The following PACRG variants were observed in gnomAD, a reference collection of about 807,000 sequenced individuals.
PACRG encodes parkin coregulated gene protein.
In PACRG, 29 loss-of-function variants were observed where a neutral mutation model predicts 29.7. The observed-to-expected ratio is 0.98, with a 90% confidence interval of 0.73 to 1.33. The LOEUF (loss-of-function observed/expected upper bound fraction) is 1.33. Among genes scored for constraint, PACRG ranks in the 40% most tolerant of loss-of-function variants. PACRG has a pLI of 0.00. For missense variants in PACRG, 279 were observed against 316.2 expected (o/e 0.88, Z 0.89); for synonymous variants, 116 against 118.7 (o/e 0.98, Z 0.15).
intron 2 of PACRG, among the ~76,000 whole-genome samples, chr6:163,025,437 C>T (rs1807036156): frequency 1.3e-5 from 2 of 152,068 alleles, no homozygotes; most frequent in South Asian, 4.1e-4. Context: ...TTCTATACGC[C>T]AGCAACACGC....
At chr6:163,038,443 C>T (rs891081002) in intron 2 of PACRG, among the ~76,000 whole-genome samples, 4 of 152,140 alleles carry the variant, frequency 2.6e-5, no homozygotes, top group African/African-American at 7.2e-5. Flanking sequence ...ATAGACCCTG[C>T]ACACAGCCAG....
At chr6:163,172,849 T>G (rs1271693660) in intron 4 of PACRG, among the ~76,000 whole-genome samples, 3 of 152,230 alleles carry the variant, frequency 2.0e-5, no homozygotes, top group Non-Finnish European at 4.4e-5. Flanking sequence ...ATATCAAAGA[T>G]AGAAAGAGGC....
At chr6:162,817,913 A>T (rs998487364) in intron 2 of PACRG, among the ~76,000 whole-genome samples, 4 of 152,214 alleles carry the variant, frequency 2.6e-5, no homozygotes, top group Non-Finnish European at 4.4e-5. Context: ...AAATGTTTGT[A>T]GTGAAAATTT....
intron 2 of PACRG, among the ~76,000 whole-genome samples, chr6:162,883,337 C>T (rs577258129): frequency 4.9e-4 from 74 of 152,176 alleles, no homozygotes; most frequent in African/African-American, 1.8e-3. Context: ...TAGCTGGCCT[C>T]TAATTAATTT....
intron 4 of PACRG, among the ~76,000 whole-genome samples, chr6:163,227,048 G>A (rs1781833783): frequency 6.6e-6 from 1 of 152,066 alleles, no homozygotes; most frequent in Non-Finnish European, 1.5e-5. Context: ...GAATTTTTGT[G>A]GCATGTAAAA....
intron 2 of PACRG, among the ~76,000 whole-genome samples, chr6:162,894,747 G>A (rs1325078639): frequency 6.6e-6 from 1 of 152,206 alleles, no homozygotes; most frequent in Admixed American, 6.5e-5. Context: ...ATTGCTGTGT[G>A]AAACACGCTT....
intron 1 of PACRG, among the ~76,000 whole-genome samples, chr6:162,799,685 G>A (rs115462687): frequency 3.4e-4 from 51 of 151,144 alleles, no homozygotes; most frequent in African/African-American, 1.2e-3. Context: ...TCTAAGAATT[G>A]TTTTCTATTA....
chr6:163,262,957 C>T (rs1007545353), intron 4 of PACRG, among the ~76,000 whole-genome samples: 1 of 149,942 alleles, frequency 6.7e-6, no homozygotes, highest in Non-Finnish European at 1.5e-5. Context: ...GAGGCTGAGG[C>T]GGGAGATCTC....
chr6:162,998,502 A>G (rs1804288459), intron 2 of PACRG, among the ~76,000 whole-genome samples: 1 of 152,204 alleles, frequency 6.6e-6, no homozygotes, highest in African/African-American at 2.4e-5. Flanking sequence ...TTAAGAGAGA[A>G]GTTGCTTGTA....
intron 2 of PACRG, among the ~76,000 whole-genome samples, chr6:162,912,277 A>G (rs566570895): frequency 6.6e-6 from 1 of 152,276 alleles, no homozygotes; most frequent in South Asian, 2.1e-4. Flanking sequence ...TTCTGCCACT[A>G]ATAGTGCTGT....
intron 2 of PACRG, among the ~76,000 whole-genome samples, chr6:162,852,197 G>A (rs1236213044): frequency 1.3e-5 from 2 of 152,192 alleles, no homozygotes; most frequent in Non-Finnish European, 2.9e-5. Context: ...TCTCAGAGGG[G>A]CTACAATTCA....
chr6:162,785,245 A>G (rs7740323), intron 1 of PACRG, among the ~76,000 whole-genome samples: 171 of 152,182 alleles, frequency 1.1e-3, no homozygotes, highest in African/African-American at 3.7e-3. Flanking sequence ...GCAATGAAAC[A>G]AACCAATTTG....
intron 2 of PACRG, among the ~76,000 whole-genome samples, chr6:162,875,620 G>T (rs1415517263): frequency 6.6e-6 from 1 of 152,228 alleles, no homozygotes; most frequent in Non-Finnish European, 1.5e-5. Flanking sequence ...CACATAGGTT[G>T]TACATTAACC....
Position 163,095,252 on chromosome 6 carries a change from C to G in PACRG, c.613+5844C>G, listed in dbSNP as rs376594259. On this transcript the variant is annotated intron_variant, in intron 4 of 4. Coordinates refer to ENST00000366888, the MANE Select transcript of PACRG (RefSeq NM_001080379.2). ...TGCTACATTTGAGTCTATTTTCAAC[C>G]CAAATCCACTTATAAAAAGCATCAG... The G allele has an allele frequency of 8.1e-6, 8 of 984,818 alleles. No individual in the cohort carries two copies. The African/African-American group carries it at 1.0e-4, about 13-fold the overall frequency. The allele number at this position is 984,818 out of a possible 1,614,324, so 61.0% of individuals were successfully genotyped here.
At chr6:162,783,498 TTA>T (rs1376527535) in intron 1 of PACRG, among the ~76,000 whole-genome samples, 3 of 152,030 alleles carry the variant, frequency 2.0e-5, no homozygotes, top group Non-Finnish European at 2.9e-5. Context: ...TCATTTATCA[TTA>T]TGTATTGGCA....
intron 2 of PACRG, among the ~76,000 whole-genome samples, chr6:162,966,132 GT>G (rs1801000522): frequency 6.6e-6 from 1 of 152,218 alleles, no homozygotes; most frequent in Non-Finnish European, 1.5e-5. Flanking sequence ...CCTGGACACT[GT>G]TGAGAAGGAA....
intron 4 of PACRG, among the ~76,000 whole-genome samples, chr6:163,272,600 G>GT (rs1337863536): frequency 6.6e-6 from 1 of 152,072 alleles, no homozygotes; most frequent in Non-Finnish European, 1.5e-5. Flanking sequence ...GAAGATACTG[G>GT]TGAGGGTGGA....
chr6:163,179,724 A>T (rs1359962244), intron 4 of PACRG, among the ~76,000 whole-genome samples: 3 of 147,880 alleles, frequency 2.0e-5, no homozygotes, highest in Non-Finnish European at 3.0e-5. Flanking sequence ...AAAAAAAAAA[A>T]ATTTTCTTAC....
At chr6:163,209,744 C>G (rs1421334127) in intron 4 of PACRG, among the ~76,000 whole-genome samples, 1 of 152,182 alleles carries the variant, frequency 6.6e-6, no homozygotes, top group Non-Finnish European at 1.5e-5. Context: ...GCATGTGACA[C>G]AAAGGAAATA....
Sources: allele counts gnomAD v4.1 joint callset (sites outside exome capture counted in the v4.1 genomes callset), GRCh38; gene constraint gnomAD v4.1.1; transcripts MANE v1.5; gene names NCBI Gene and HGNC (gene_info 2026-07-23, HGNC 2026-07-21).